The following SMG6 variants were observed in gnomAD, a reference collection of about 807,000 sequenced individuals.
SMG6 encodes the protein telomerase-binding protein EST1A.
Under a neutral mutation model 142.2 loss-of-function variants are expected in SMG6, and 66 were observed. The ratio of observed to expected loss-of-function variants is 0.46; its 90% confidence interval spans 0.38 to 0.57. SMG6 has a LOEUF of 0.57. Among genes scored for constraint, SMG6 ranks in the 20% least tolerant of loss-of-function variants. The pLI is 0.00. For missense variants in SMG6, 1,793 were observed against 1,832.0 expected, an observed-to-expected ratio of 0.98 and a Z score of 0.39; for synonymous variants, 779 against 702.4, an observed-to-expected ratio of 1.11 and a Z score of -1.72.
intron 8 of SMG6, among the ~76,000 whole-genome samples, chr17:2,277,153 A>T (rs1398909883): frequency 4.6e-4 from 38 of 83,452 alleles, no homozygotes; most frequent in African/African-American, 1.9e-3. Flanking sequence ...TTATTTATTT[A>T]TTTATTTATT....
intron 13 of SMG6, among the ~76,000 whole-genome samples, chr17:2,091,728 T>C (rs1324416564): frequency 6.6e-6 from 1 of 151,030 alleles, no homozygotes; most frequent in Non-Finnish European, 1.5e-5. Context: ...TGGAGTGCAG[T>C]GGTGCGATCT....
At chr17:2,106,743 A>C (rs954559548) in intron 13 of SMG6, among the ~76,000 whole-genome samples, 1 of 152,188 alleles carries the variant, frequency 6.6e-6, no homozygotes, top group Non-Finnish European at 1.5e-5. Flanking sequence ...AGCTGATGAC[A>C]AGGCAGACAG....
At chr17:2,233,094 GGTA>G (rs1366506525) in intron 10 of SMG6, 1 of 152,196 alleles carries the variant, frequency 6.6e-6, no homozygotes, top group Non-Finnish European at 1.5e-5. Flanking sequence ...AATGATTCAC[GGTA>G]GCATTAGAGG....
intron 10 of SMG6, among the ~76,000 whole-genome samples, chr17:2,208,058 G>A (rs2072741156): frequency 1.3e-5 from 2 of 152,140 alleles, no homozygotes; most frequent in African/African-American, 4.8e-5. Flanking sequence ...AAGCCCAGGA[G>A]TTTGAGGCTG....
In SMG6 at chr17:2,145,643, C is replaced by CAAAAAAAAAAAAA. The variant is rs61451940; in HGVS notation, c.3357+27002_3357+27014dup. Among the ~76,000 whole-genome samples, 5 of 23,776 alleles carry CAAAAAAAAAAAAA rather than the reference C, an allele frequency of 2.1e-4. 2 individuals carry two copies. Among genetic ancestry groups the CAAAAAAAAAAAAA allele is most frequent in the African/African-American group, 7.8e-4 (5 of 6,422 alleles). The allele number at this position is 23,776 out of a possible 152,430, so 15.6% of individuals were successfully genotyped here. On this transcript the variant is annotated intron_variant, in intron 13 of 18. Transcript: ENST00000263073. ...GTGACAGAGCAAGGCTCCATCTCCC[C>CAAAAAAAAAAAAA]AAAAAAAAAAAAAAAAAAAAAAAGC... is the stretch of plus-strand genomic sequence containing the variant.
intron 17 of SMG6, 88 bp downstream of exon 17, chr17:2,065,380 G>A: frequency 1.5e-6 from 2 of 1,359,054 alleles, no homozygotes; most frequent in South Asian, 2.5e-5. Flanking sequence ...AGCTGCCCAG[G>A]CTGATGGGCC....
intron 18 of SMG6, among the ~76,000 whole-genome samples, chr17:2,063,949 G>T (rs192130786): frequency 2.0e-4 from 30 of 152,254 alleles, no homozygotes; most frequent in Non-Finnish European, 2.9e-4. Flanking sequence ...GCTCATATCT[G>T]GTCCCAAGGG....
chr17:2,257,216 G>C (rs1010531781), intron 8 of SMG6, among the ~76,000 whole-genome samples: 6 of 152,096 alleles, frequency 3.9e-5, no homozygotes, highest in African/African-American at 1.4e-4. Context: ...CTCCCGAGTA[G>C]CTGGGACTAC....
At position 2,212,328 on chromosome 17, in the gene SMG6, T is replaced by C. The variant is rs146975339; in HGVS notation, c.2870-23813A>G. On this transcript the variant is annotated intron_variant, in intron 10 of 18. Transcript: ENST00000263073. ...TACATAAGCAAGAGTGAGACAGACA[T>C]ACGAGGAAAAAGAAAGGGGATCTGG... 6.2e-4 allele frequency among the ~76,000 whole-genome samples: 94 copies of C among 151,960 alleles called. 1 individual carries two copies. The highest frequency in any genetic ancestry group is 2.1e-3 in the African/African-American group (87 of 41,414).
chr17:2,282,535 G>T, intron 8 of SMG6, 112 bp downstream of exon 8: 2 of 1,051,678 alleles, frequency 1.9e-6, no homozygotes, highest in South Asian at 1.4e-5. Context: ...GCCTCAAGTG[G>T]TTTGTCTTCC....
chr17:2,251,756 C>T (rs569370168), intron 8 of SMG6, among the ~76,000 whole-genome samples: 7 of 152,262 alleles, frequency 4.6e-5, no homozygotes, highest in Middle Eastern at 3.4e-3. Flanking sequence ...GAGGGACAGC[C>T]GAGCTCAGAG....
chr17:2,161,286 T>C (rs1191400771), intron 13 of SMG6, among the ~76,000 whole-genome samples: 2 of 151,996 alleles, frequency 1.3e-5, no homozygotes, highest in East Asian at 1.9e-4. Flanking sequence ...GTACTTTTAG[T>C]AGAGATGGGG....
chr17:2,260,933 T>C (rs1055450158), intron 8 of SMG6, among the ~76,000 whole-genome samples: 2 of 149,718 alleles, frequency 1.3e-5, no homozygotes, highest in East Asian at 1.9e-4. Context: ...GAGGCGGAGG[T>C]TGCAGTGAGA....
chr17:2,257,623 C>G (rs898387368), intron 8 of SMG6, among the ~76,000 whole-genome samples: 2 of 152,108 alleles, frequency 1.3e-5, no homozygotes, highest in Non-Finnish European at 2.9e-5. Context: ...TATAATCTTA[C>G]TCCACTACCT....
chr17:2,269,299 G>A (rs2074496130), intron 8 of SMG6, among the ~76,000 whole-genome samples: 1 of 151,474 alleles, frequency 6.6e-6, no homozygotes, highest in African/African-American at 2.4e-5. Context: ...GCTGAGGCAT[G>A]AGAATCACTT....
intron 13 of SMG6, among the ~76,000 whole-genome samples, chr17:2,166,722 G>A (rs1269304536): frequency 1.3e-5 from 2 of 152,226 alleles, no homozygotes; most frequent in Non-Finnish European, 2.9e-5. Flanking sequence ...ACTTCCTAAA[G>A]TGCTGGGATG....
rs763807164 is a variant in SMG6, at chr17:2,065,116, G to A, written c.4086C>T (p.His1362=). The A allele has an allele frequency of 3.7e-6, 6 of 1,613,848 alleles. No individual in the cohort carries two copies. In the African/African-American group the frequency reaches 6.7e-5, roughly 18 times the overall value. The change falls in exon 18 of 19, where the codon CAC becomes CAT. Residue 1362 remains histidine (H), a synonymous_variant. Transcript: ENST00000263073. ...NDDLILSCCL[H]YCKDKAKDFM... ...AGTCCTTAGCCTTGTCTTTGCAGTAGTGGAGGCAGCAGGACAGGATGAGAT... is the reference window on the plus strand; with the variant it reads ...AGTCCTTAGCCTTGTCTTTGCAGTAATGGAGGCAGCAGGACAGGATGAGAT...
intron 1 of SMG6, 104 bp from the exon 2 acceptor site, chr17:2,300,768 G>T: frequency 9.3e-7 from 1 of 1,071,356 alleles, no homozygotes; most frequent in South Asian, 1.7e-5. Flanking sequence ...AAAAAAAGTC[G>T]AGCAAGAATT....
Position 2,299,420 on chromosome 17 carries a change from T to C in SMG6, c.1333A>G (p.Ser445Gly). The C allele has an allele frequency of 6.2e-7, 1 of 1,613,850 alleles. No homozygotes were observed. The highest frequency in any genetic ancestry group is 8.5e-7 in the Non-Finnish European group (1 of 1,180,006). ...CGTGTGGTGCCTCCACGGCCCCAAC[T>C]CCGAGATCCCTTACTACCAGATCCA... The part of the protein sequence containing the change: ...LFGSGSKGSR[S>G]WGRGGTTRRL... The change falls in exon 2 of 19, where the codon AGT becomes GGT. Residue 445 changes from serine (S) to glycine (G), a missense_variant. By Grantham distance (56) the Ser-to-Gly change is moderately conservative. Around this residue, in one of 3 missense-constraint regions of SMG6, gnomAD observed 1,597 missense variants for 1,584.6 expected, o/e 1.01. Transcript: ENST00000263073. This position sits in a 1 kb window ranked among gnomAD's most constrained non-coding sequence, Gnocchi z 4.3.
Sources: gnomAD v4.1 joint callset for allele counts (sites outside exome capture counted in the v4.1 genomes callset) on GRCh38, gnomAD v4.1.1 for gene constraint, gnomAD v4.1.1 regional missense constraint, Gnocchi (gnomAD v3.1) non-coding constraint, MANE v1.5 for transcripts, NCBI Gene and HGNC (gene_info 2026-07-23, HGNC 2026-07-21) for gene names.